The following GALNTL6 variants were observed in gnomAD, a reference collection of about 807,000 sequenced individuals.
The protein encoded by GALNTL6 is polypeptide N-acetylgalactosaminyltransferase-like 6.
GALNTL6 carries 46 observed loss-of-function variants against 73.7 expected under a neutral mutation model. The ratio of observed to expected loss-of-function variants is 0.62; its 90% CI spans 0.49 to 0.80. GALNTL6 has a LOEUF of 0.80. GALNTL6 is among the 30% of genes least tolerant of loss of function. The pLI is 0.00. For synonymous variants in GALNTL6, 259 were observed against 263.7 expected (o/e 0.98, Z 0.17); for missense variants, 604 against 755.0 (o/e 0.80, Z 2.34).
intron 5 of GALNTL6, among the ~76,000 whole-genome samples, chr4:172,500,694 G>GT (rs1734234363): frequency 6.7e-6 from 1 of 148,608 alleles, no homozygotes. Flanking sequence ...TTTGTTTTTT[G>GT]TTTTTTTAAA....
intron 5 of GALNTL6, among the ~76,000 whole-genome samples, chr4:172,566,946 C>T (rs1215516990): frequency 6.7e-6 from 1 of 150,118 alleles, no homozygotes; most frequent in Non-Finnish European, 1.5e-5. Flanking sequence ...TTCTGACTAA[C>T]AAGAAAAAGA....
At chr4:172,768,429 TTG>T (rs1411508181) in intron 5 of GALNTL6, among the ~76,000 whole-genome samples, 1 of 152,086 alleles carries the variant, frequency 6.6e-6, no homozygotes, top group Non-Finnish European at 1.5e-5. Flanking sequence ...CTTGACACCA[TTG>T]TGAGAACGAA....
At chr4:172,561,359 G>A (rs946865541) in intron 5 of GALNTL6, among the ~76,000 whole-genome samples, 2 of 151,144 alleles carry the variant, frequency 1.3e-5, no homozygotes, top group South Asian at 2.1e-4. Flanking sequence ...TCCTAAGTCT[G>A]CGCTCCTAAT....
chr4:172,675,387 A>T (rs1049780676), intron 5 of GALNTL6, among the ~76,000 whole-genome samples: 1 of 152,190 alleles, frequency 6.6e-6, no homozygotes, highest in Admixed American at 6.5e-5. Flanking sequence ...ATGCTAGTGG[A>T]TGCTGGGGTA....
intron 2 of GALNTL6, among the ~76,000 whole-genome samples, chr4:171,881,187 C>G (rs1480171604): frequency 6.6e-6 from 1 of 152,140 alleles, no homozygotes; most frequent in African/African-American, 2.4e-5. Flanking sequence ...AGACGGAATC[C>G]AATACATTAA....
chr4:171,942,218 C>T (rs1017161801), intron 2 of GALNTL6, among the ~76,000 whole-genome samples: 5 of 62,818 alleles, frequency 8.0e-5, no homozygotes, highest in African/African-American at 1.5e-4. Context: ...TGGTGAAACC[C>T]GGTCTCCAAT....
chr4:172,492,320 T>A (rs1733926714), intron 5 of GALNTL6, among the ~76,000 whole-genome samples: 1 of 152,076 alleles, frequency 6.6e-6, no homozygotes, highest in Non-Finnish European at 1.5e-5. Context: ...GGAAAAAAAT[T>A]GAAAATGGAG....
intron 3 of GALNTL6, 140 bp from the exon 4 acceptor site, chr4:172,311,474 A>G: frequency 7.8e-6 from 4 of 514,636 alleles, no homozygotes; most frequent in Non-Finnish European, 1.3e-5. Context: ...CAATTAAAAT[A>G]ATATAATAAA....
intron 5 of GALNTL6, among the ~76,000 whole-genome samples, chr4:172,583,920 A>T (rs13141315): frequency 0.43 from 58,033 of 135,264 alleles, 15,037 homozygotes; most frequent in East Asian, 0.66. Flanking sequence ...AAAAAAAAAA[A>T]TCAGATGCTG....
intron 5 of GALNTL6, among the ~76,000 whole-genome samples, chr4:172,398,834 A>G (rs547018189): frequency 3.3e-5 from 5 of 152,150 alleles, no homozygotes; most frequent in Admixed American, 1.3e-4. Flanking sequence ...GGTTCTTTCA[A>G]TACTGCCCTG....
At chr4:172,769,984 C>T (rs1363740712) in intron 5 of GALNTL6, among the ~76,000 whole-genome samples, 1 of 152,146 alleles carries the variant, frequency 6.6e-6, no homozygotes. Context: ...GCTTTTATAG[C>T]TGGGCGCGGT....
chr4:172,928,546 G>A (rs1014414673), intron 8 of GALNTL6, among the ~76,000 whole-genome samples: 2 of 152,126 alleles, frequency 1.3e-5, no homozygotes, highest in African/African-American at 4.8e-5. Flanking sequence ...AGTGTCATCT[G>A]CTGCAGATTT....
Position 172,847,160 on chromosome 4 carries a change from C to T in GALNTL6, c.923+33437C>T, listed in dbSNP as rs117547075. On this transcript the variant is annotated intron_variant, in intron 7 of 12. Coordinates refer to ENST00000506823, the MANE Select transcript of GALNTL6 (RefSeq NM_001034845.3). ...CCACTTGACCTATGGCAAACATGAACCAACCTTTATTTCAGAGGTTTGCAA... is the reference window on the plus strand; with the variant it reads ...CCACTTGACCTATGGCAAACATGAATCAACCTTTATTTCAGAGGTTTGCAA... 8.5e-5 allele frequency among the ~76,000 whole-genome samples: 13 copies of T among 152,286 alleles called. No homozygotes were observed. In the East Asian group the frequency reaches 2.5e-3, roughly 29 times the overall value.
At chr4:172,997,584 G>C (rs1042880721) in intron 10 of GALNTL6, among the ~76,000 whole-genome samples, 4 of 151,606 alleles carry the variant, frequency 2.6e-5, no homozygotes, top group Admixed American at 2.0e-4. Flanking sequence ...ACTTGTTTTT[G>C]GCCAGAGATC....
intron 5 of GALNTL6, among the ~76,000 whole-genome samples, chr4:172,722,107 A>G (rs536338012): frequency 3.9e-5 from 6 of 152,038 alleles, no homozygotes; most frequent in Admixed American, 3.3e-4. Context: ...TTGTGTACCC[A>G]GCAATGTACA....
intron 5 of GALNTL6, among the ~76,000 whole-genome samples, chr4:172,637,186 G>A (rs909231238): frequency 4.6e-5 from 7 of 151,968 alleles, no homozygotes; most frequent in Admixed American, 2.0e-4. Context: ...TGGACTTAAA[G>A]GTAAATTTGG....
chr4:172,424,088 G>GTATA (rs139171197), intron 5 of GALNTL6, among the ~76,000 whole-genome samples: 5,012 of 151,906 alleles, frequency 0.033, 260 homozygotes, highest in African/African-American at 0.11. Context: ...TATCATGAGT[G>GTATA]TATATATATA....
intron 5 of GALNTL6, among the ~76,000 whole-genome samples, chr4:172,413,146 A>C (rs1372223727): frequency 1.3e-5 from 2 of 152,206 alleles, no homozygotes; most frequent in Non-Finnish European, 2.9e-5. Context: ...AGAACAGGGA[A>C]ATCCTGATTG....
At chr4:172,434,078 A>G (rs1731553398) in intron 5 of GALNTL6, among the ~76,000 whole-genome samples, 1 of 152,094 alleles carries the variant, frequency 6.6e-6, no homozygotes, top group African/African-American at 2.4e-5. Context: ...TTAATACATT[A>G]TCGTTTGTAA....
Sources: allele counts gnomAD v4.1 joint callset (sites outside exome capture counted in the v4.1 genomes callset), GRCh38; gene constraint gnomAD v4.1.1; transcripts MANE v1.5; gene names NCBI Gene and HGNC (gene_info 2026-07-23, HGNC 2026-07-21).